The following RFWD3 variants were observed in gnomAD, a reference collection of about 807,000 sequenced individuals.
RFWD3 encodes ring finger and WD repeat domain 3, also known as E3 ubiquitin-protein ligase RFWD3.
A neutral mutation model predicts 87.7 loss-of-function variants in RFWD3; 65 were observed. That is an observed-to-expected ratio of 0.74 (90% confidence interval 0.61 to 0.91). The LOEUF (loss-of-function observed/expected upper bound fraction) is 0.91, where lower values mean the gene tolerates loss of function less well. RFWD3 is among the 40% of genes least tolerant of loss of function. RFWD3 has a pLI of 0.00. For missense variants in RFWD3, 1,078 were observed against 938.5 expected (o/e 1.15, Z -1.94); for synonymous variants, 433 against 352.8 (o/e 1.23, Z -2.55).
rs1303797096 is a variant in RFWD3, at chr16:74,623,227, A to G, written c.*701T>C. On this transcript the variant is annotated 3_prime_UTR_variant, in exon 13 of 13. Transcript: ENST00000361070. ...TTTCGCAAAGCAATGAACTTAATGCACTAGGCATTAGCAAAGGGAATCGTT... is the reference window on the plus strand; with the variant it reads ...TTTCGCAAAGCAATGAACTTAATGCGCTAGGCATTAGCAAAGGGAATCGTT... 6.5e-6 allele frequency: 1 copy of G among 152,686 alleles called. No individual in the cohort carries two copies. Among genetic ancestry groups the G allele is most frequent in the Non-Finnish European group, 1.5e-5 (1 of 68,056 alleles). 9.5% of individuals were successfully genotyped at this position (152,686 alleles called of 1,614,324 possible). A position where few individuals can be genotyped will look rare whatever the true frequency, so the allele number is the denominator to read the frequency against.
intron 7 of RFWD3, among the ~76,000 whole-genome samples, chr16:74,637,536 G>C (rs573237407): frequency 1.1e-4 from 16 of 152,078 alleles, no homozygotes; most frequent in Non-Finnish European, 2.2e-4. Flanking sequence ...CTGAGGCTGA[G>C]GCAGGAGAAC....
At chr16:74,624,399 C>A (rs1325673590) in intron 12 of RFWD3, among the ~76,000 whole-genome samples, 1 of 152,134 alleles carries the variant, frequency 6.6e-6, no homozygotes, top group Non-Finnish European at 1.5e-5. Context: ...TGGAACTCAC[C>A]CTTTTTTTTC....
At chr16:74,642,172 G>T (rs1959717837) in intron 6 of RFWD3, among the ~76,000 whole-genome samples, 1 of 152,034 alleles carries the variant, frequency 6.6e-6, no homozygotes, top group African/African-American at 2.4e-5. Flanking sequence ...GCCCAGGCTG[G>T]AGTGCAGTGG....
In RFWD3 at chr16:74,661,559, A is replaced by C. The variant is rs577944522; in HGVS notation, c.-2-108T>G. 1.3e-4 allele frequency: 132 copies of C among 1,032,808 alleles called. No individual in the cohort carries two copies. The African/African-American group carries it at 2.0e-3, about 15-fold the overall frequency. 64.0% of individuals were successfully genotyped at this position (1,032,808 alleles called of 1,614,324 possible). A position where few individuals can be genotyped will look rare whatever the true frequency, so the allele number is the denominator to read the frequency against. The stretch of plus-strand genomic sequence containing the variant: ...TGATTTTATGTTTAATATCATTCTT[A>C]GCAAGACTGAGAAGCTTCAAGAGAA... On this transcript the variant is annotated intron_variant, in intron 1 of 12. Transcript: ENST00000361070.
chr16:74,634,187 A>G (rs574212465), intron 8 of RFWD3, among the ~76,000 whole-genome samples: 23 of 152,300 alleles, frequency 1.5e-4, no homozygotes, highest in Admixed American at 1.4e-3. Context: ...ACAATAGAGA[A>G]TGAAAATAAA....
intron 2 of RFWD3, among the ~76,000 whole-genome samples, chr16:74,657,930 C>G (rs140480568): frequency 6.6e-6 from 1 of 151,958 alleles, no homozygotes; most frequent in Non-Finnish European, 1.5e-5. Flanking sequence ...GGTGTTGACA[C>G]GTATATCAAT....
chr16:74,643,669 G>GTT (rs35397997), intron 6 of RFWD3, among the ~76,000 whole-genome samples: 8 of 105,044 alleles, frequency 7.6e-5, no homozygotes, highest in Admixed American at 1.0e-4. Flanking sequence ...ACTAGCAACT[G>GTT]TTTTTTTTTT....
chr16:74,638,145 C>T (rs1013217477), intron 6 of RFWD3, among the ~76,000 whole-genome samples, 175 bp from the exon 7 acceptor site: 1 of 152,058 alleles, frequency 6.6e-6, no homozygotes, highest in Non-Finnish European at 1.5e-5. Context: ...TTAGGGTAAG[C>T]AGGGAGTGAT....
chr16:74,662,362 G>A (rs1961514259), intron 1 of RFWD3, among the ~76,000 whole-genome samples: 4 of 152,044 alleles, frequency 2.6e-5, no homozygotes, highest in African/African-American at 9.7e-5. Flanking sequence ...GAGGAAATGG[G>A]GGTTCAACTA....
chr16:74,626,019 C>G (rs768388347), intron 12 of RFWD3, among the ~76,000 whole-genome samples: 7 of 152,180 alleles, frequency 4.6e-5, no homozygotes, highest in Non-Finnish European at 1.0e-4. Flanking sequence ...AACCCTGTCT[C>G]TACTAAAAAT....
chr16:74,631,346 C>G (rs546539679), intron 9 of RFWD3, among the ~76,000 whole-genome samples: 1 of 152,086 alleles, frequency 6.6e-6, no homozygotes, highest in African/African-American at 2.4e-5. Flanking sequence ...GTGGCATGCA[C>G]CTGTAATCCC....
At chr16:74,633,861 G>A (rs1959170733) in intron 8 of RFWD3, among the ~76,000 whole-genome samples, 2 of 151,638 alleles carry the variant, frequency 1.3e-5, no homozygotes, top group South Asian at 4.2e-4. Flanking sequence ...GAGGTGGAAG[G>A]ATGACTTGAG....
intron 1 of RFWD3, among the ~76,000 whole-genome samples, chr16:74,662,394 T>C (rs1406349720): frequency 6.6e-6 from 1 of 152,232 alleles, no homozygotes; most frequent in Non-Finnish European, 1.5e-5. Flanking sequence ...GCACCTGTTA[T>C]GCAGACAAGA....
intron 6 of RFWD3, among the ~76,000 whole-genome samples, chr16:74,641,798 C>G (rs935137681): frequency 6.6e-6 from 1 of 151,196 alleles, no homozygotes; most frequent in South Asian, 2.1e-4. Flanking sequence ...TGGTGAAAGG[C>G]GCCTGTAATC....
chr16:74,666,465 G>A (rs986268751), intron 1 of RFWD3: 1 of 152,240 alleles, frequency 6.6e-6, no homozygotes, highest in Non-Finnish European at 1.5e-5. Flanking sequence ...AGGCTCTCGG[G>A]GGAAGGGCCG....
chr16:74,649,393 A>T, intron 3 of RFWD3, 191 bp from the exon 4 acceptor site: 1 of 453,572 alleles, frequency 2.2e-6, no homozygotes, highest in Non-Finnish European at 3.9e-6. Context: ...TAGTTTGAAT[A>T]TTCTCAAACA....
intron 1 of RFWD3, 87 bp from the exon 2 acceptor site, chr16:74,661,538 T>A: frequency 8.2e-7 from 1 of 1,219,396 alleles, no homozygotes; most frequent in Non-Finnish European, 1.1e-6. Flanking sequence ...TCTTTCTGAT[T>A]TTATGTTTAA....
intron 1 of RFWD3, among the ~76,000 whole-genome samples, chr16:74,665,593 A>T (rs766329508): frequency 1.3e-5 from 2 of 150,998 alleles, no homozygotes; most frequent in Non-Finnish European, 2.9e-5. Context: ...AAGAAAGAAA[A>T]AAGAAAAATA....
intron 10 of RFWD3, among the ~76,000 whole-genome samples, chr16:74,629,254 A>G (rs1726839034): frequency 6.6e-6 from 1 of 152,252 alleles, no homozygotes; most frequent in East Asian, 1.9e-4. Flanking sequence ...CAAAGTTGCC[A>G]AAGTGTCTAC....
Sources: gnomAD v4.1 joint callset for allele counts (sites outside exome capture counted in the v4.1 genomes callset) on GRCh38, gnomAD v4.1.1 for gene constraint, MANE v1.5 for transcripts, NCBI Gene and HGNC (gene_info 2026-07-23, HGNC 2026-07-21) for gene names.